The following RASAL2 variants were observed in gnomAD, a reference collection of about 807,000 sequenced individuals.
RASAL2 encodes RAS protein activator like 2, also known as ras GTPase-activating protein nGAP.
In RASAL2, 58 loss-of-function variants were observed where a neutral mutation model predicts 128.9. The observed-to-expected ratio is 0.45, with a 90% confidence interval of 0.36 to 0.56. RASAL2 has a LOEUF of 0.56. Ranked by LOEUF, RASAL2 falls within the 20% of genes least tolerant of loss-of-function variation. The pLI is 0.00. For synonymous variants in RASAL2, 561 were observed against 580.8 expected (o/e 0.97, Z 0.49); for missense variants, 1,360 against 1,601.6 (o/e 0.85, Z 2.57).
At chr1:178,365,695 T>C (rs1241848909) in intron 3 of RASAL2, among the ~76,000 whole-genome samples, 1 of 151,932 alleles carries the variant, frequency 6.6e-6, no homozygotes. Flanking sequence ...CTGGTCTCGA[T>C]CTCCTGACCT....
At chr1:178,456,481 T>G in intron 12 of RASAL2, 1 of 597,496 alleles carries the variant, frequency 1.7e-6, no homozygotes. Flanking sequence ...AATCCTGATT[T>G]CGATTTCCTT....
chr1:178,100,603 A>T (rs1658860454), intron 1 of RASAL2, among the ~76,000 whole-genome samples: 1 of 152,152 alleles, frequency 6.6e-6, no homozygotes, highest in African/African-American at 2.4e-5. Context: ...GCTAAGAAAA[A>T]GAAAAGAGAT....
chr1:178,098,252 T>C (rs2102213653), intron 1 of RASAL2, among the ~76,000 whole-genome samples: 1 of 152,358 alleles, frequency 6.6e-6, no homozygotes, highest in East Asian at 1.9e-4. Context: ...TTGATCCGTT[T>C]GTCCTTTGAC....
Position 178,242,741 on chromosome 1 carries a change from T to C in RASAL2, c.203-40823T>C, listed in dbSNP as rs186581880. On this transcript the variant is annotated intron_variant, in intron 1 of 17. Transcript: ENST00000367649. Reference sequence around the variant, plus strand: ...ACAGATGTTGGATCTTATTTATTTATGTTTGAGACAGGACCTTACTCTGCC... The same window carrying C: ...ACAGATGTTGGATCTTATTTATTTACGTTTGAGACAGGACCTTACTCTGCC... Among the ~76,000 whole-genome samples the C allele has an allele frequency of 4.2e-3, 642 of 152,306 alleles. 2 individuals are homozygous for C. The highest frequency in any genetic ancestry group is 6.8e-3 in the Middle Eastern group (2 of 294).
chr1:178,463,483 A>G (rs1572123924), intron 14 of RASAL2, among the ~76,000 whole-genome samples: 2 of 152,192 alleles, frequency 1.3e-5, no homozygotes, highest in East Asian at 3.9e-4. Context: ...CTATGAGATG[A>G]TCAAGATAGG....
chr1:178,473,043 G>C, intron 17 of RASAL2, 32 bp from the exon 18 acceptor site: 5 of 1,611,352 alleles, frequency 3.1e-6, no homozygotes, highest in Non-Finnish European at 4.2e-6. Flanking sequence ...CCTGCCTGTA[G>C]CCTGAATAAA....
chr1:178,408,602 G>GTTTT (rs59524376), intron 4 of RASAL2, among the ~76,000 whole-genome samples: 1 of 141,566 alleles, frequency 7.1e-6, no homozygotes, highest in African/African-American at 2.9e-5. Flanking sequence ...TGTTTGGTTG[G>GTTTT]TTTTTTTTTG....
chr1:178,448,814 G>A (rs1299277712), intron 9 of RASAL2, among the ~76,000 whole-genome samples: 1 of 152,116 alleles, frequency 6.6e-6, no homozygotes, highest in Non-Finnish European at 1.5e-5. Context: ...AATGAAAAGT[G>A]GATACTAGTC....
intron 1 of RASAL2, among the ~76,000 whole-genome samples, chr1:178,247,722 C>T (rs1365858374): frequency 6.6e-6 from 1 of 152,170 alleles, no homozygotes; most frequent in African/African-American, 2.4e-5. Context: ...ATAAATTTCC[C>T]TCTTAACACT....
chr1:178,401,895 T>C (rs1190867642), intron 4 of RASAL2, among the ~76,000 whole-genome samples: 1 of 152,194 alleles, frequency 6.6e-6, no homozygotes, highest in African/African-American at 2.4e-5. Context: ...TTTTTAACTC[T>C]GTGAGAGTAC....
At chr1:178,214,794 G>A (rs1432636337) in intron 1 of RASAL2, among the ~76,000 whole-genome samples, 2 of 151,976 alleles carry the variant, frequency 1.3e-5, no homozygotes, top group East Asian at 1.9e-4. Flanking sequence ...TCTTGACCTC[G>A]TGATCTGCCC....
chr1:178,467,566 T>C (rs1647858835), intron 17 of RASAL2, 145 bp downstream of exon 17: 1 of 659,360 alleles, frequency 1.5e-6, no homozygotes, highest in Non-Finnish European at 2.7e-6. Flanking sequence ...ATTAAATGAG[T>C]GTCTGTGTGA....
chr1:178,266,275 G>A lies in RASAL2; in HGVS notation c.203-17289G>A, dbSNP rs74128900. 5.6e-3 allele frequency among the ~76,000 whole-genome samples: 853 copies of A among 152,262 alleles called. 11 individuals are homozygous for A. The highest frequency in any genetic ancestry group is 0.019 in the African/African-American group (799 of 41,536). ...TTTTTCATTTTAGCCATTCTAGTGG[G>A]TATGTAGTGCTATCTCACTGTGGCC... On this transcript the variant is annotated intron_variant, in intron 1 of 17. Coordinates refer to ENST00000367649, the MANE Select transcript of RASAL2 (RefSeq NM_170692.4).
rs1676472235 is a variant in RASAL2 at position 178,439,412 on chromosome 1, C to G, written c.675-10C>G. ...GTTACACTACCTTAAATATCTTTTT[C>G]TACTTTTAGGTCTCGTGGGCTGCCT... On this transcript the variant is annotated splice_polypyrimidine_tract_variant and intron_variant, in intron 5 of 17. Transcript: ENST00000367649. 6.3e-7 allele frequency: 1 copy of G among 1,594,554 alleles called. No individual in the cohort carries two copies. Among genetic ancestry groups the G allele is most frequent in the South Asian group, 1.1e-5 (1 of 87,976 alleles).
rs1659170764 is a variant in RASAL2, at chr1:178,108,260, G to A, written c.202+13566G>A. ...ATTTGTATATCTTCTTTGGAGACATGTCTATTCAAGTCCTCTTTTTTGCAT... is the reference window on the plus strand; with the variant it reads ...ATTTGTATATCTTCTTTGGAGACATATCTATTCAAGTCCTCTTTTTTGCAT... On this transcript the variant is annotated intron_variant, in intron 1 of 17. Coordinates refer to ENST00000367649, the MANE Select transcript of RASAL2 (RefSeq NM_170692.4). 3.9e-5 allele frequency among the ~76,000 whole-genome samples: 6 copies of A among 152,216 alleles called. No individual in the cohort carries two copies. In the South Asian group the frequency reaches 1.2e-3, roughly 32 times the overall value.
rs563124335 is a variant in RASAL2 at position 178,457,909 on chromosome 1, C to A, written c.2617C>A (p.Arg873Ser). The change falls in exon 14 of 18, where the codon CGC (arginine) becomes AGC (serine). Residue 873 changes from arginine to serine, a missense_variant. By Grantham distance (110) the Arg-to-Ser change is moderately radical. This residue lies in a region of RASAL2 where 741 missense variants were observed against 868.6 expected (regional missense o/e 0.85). Transcript: ENST00000367649. Reference protein sequence around the residue: ...HASVMLDVPIRLTGSQLSITQ... With the variant: ...HASVMLDVPISLTGSQLSITQ... ...ATCTGTCATGCTTGATGTGCCTATA[C>A]GCTTGACCGGAAGCCAGCTTTCCAT... The A allele has an allele frequency of 1.2e-6, 2 of 1,614,158 alleles. No homozygotes were observed. Among genetic ancestry groups the A allele is most frequent in the East Asian group, 4.5e-5 (2 of 44,870 alleles).
At chr1:178,138,657 G>A (rs144728641) in intron 1 of RASAL2, among the ~76,000 whole-genome samples, 1 of 152,064 alleles carries the variant, frequency 6.6e-6, no homozygotes, top group Non-Finnish European at 1.5e-5. Context: ...CTGAAATCAG[G>A]ATACATGTTT....
At chr1:178,367,123 C>T (rs1176812397) in intron 3 of RASAL2, among the ~76,000 whole-genome samples, 5 of 152,192 alleles carry the variant, frequency 3.3e-5, no homozygotes, top group Non-Finnish European at 5.9e-5. Flanking sequence ...ACTCTTGCCT[C>T]GGAGTCTTCC....
intron 4 of RASAL2, among the ~76,000 whole-genome samples, chr1:178,416,310 T>C (rs1674753263): frequency 6.6e-6 from 1 of 152,068 alleles, no homozygotes. Flanking sequence ...CACATAACAC[T>C]ATACAACTTC....
Sources: gnomAD v4.1 joint callset for allele counts (sites outside exome capture counted in the v4.1 genomes callset) on GRCh38, gnomAD v4.1.1 for gene constraint, gnomAD v4.1.1 regional missense constraint, MANE v1.5 for transcripts, NCBI Gene and HGNC (gene_info 2026-07-23, HGNC 2026-07-21) for gene names.